WHAMM: variants seen among roughly 807,000 people sequenced by gnomAD.
The protein encoded by WHAMM is WASP homolog-associated protein with actin, membranes and microtubules.
Under a neutral mutation model 76.5 loss-of-function variants are expected in WHAMM, and 67 were observed. That is an observed-to-expected ratio of 0.88 (90% CI 0.72 to 1.07). The LOEUF (loss-of-function observed/expected upper bound fraction) is 1.07. Ranked by LOEUF, WHAMM falls within the 50% of genes least tolerant of loss-of-function variation. WHAMM has a pLI of 0.00. For missense variants in WHAMM, 1,021 were observed against 1,051.1 expected, an observed-to-expected ratio of 0.97 and a Z score of 0.40; for synonymous variants, 419 against 422.1, an observed-to-expected ratio of 0.99 and a Z score of 0.09.
chr15:82,815,424 T>C (rs1170640741), intron 2 of WHAMM, among the ~76,000 whole-genome samples: 5 of 152,144 alleles, frequency 3.3e-5, no homozygotes, highest in Non-Finnish European at 7.4e-5. Context: ...TTTTTATTGC[T>C]GAGTAATATT....
chr15:82,810,382 G>A (rs1423920564), intron 1 of WHAMM, 47 bp downstream of exon 1: 3 of 1,259,226 alleles, frequency 2.4e-6, no homozygotes, highest in Non-Finnish European at 3.0e-6. Flanking sequence ...TCCATGGCCT[G>A]GGACACTGTG....
chr15:82,820,599 A>C (rs1168941012), intron 5 of WHAMM, among the ~76,000 whole-genome samples: 1 of 152,164 alleles, frequency 6.6e-6, no homozygotes, highest in Non-Finnish European at 1.5e-5. Context: ...TGTACATTTA[A>C]AATGATGCTC....
chr15:82,821,210 C>T (rs977041678), intron 5 of WHAMM, among the ~76,000 whole-genome samples: 1 of 152,140 alleles, frequency 6.6e-6, no homozygotes, highest in African/African-American at 2.4e-5. Context: ...CTCTCCTTGT[C>T]ATTTGTGTTT....
At chr15:82,813,369 T>A in intron 2 of WHAMM, 93 bp downstream of exon 2, 1 of 1,134,476 alleles carries the variant, frequency 8.8e-7, no homozygotes, top group Non-Finnish European at 1.2e-6. Context: ...CTGTTTGTAC[T>A]TTGTTTGGGT....
intron 2 of WHAMM, 28 bp from the exon 3 acceptor site, chr15:82,816,664 C>A: frequency 1.3e-6 from 2 of 1,528,002 alleles, no homozygotes. Flanking sequence ...TTAGCTCTTA[C>A]TAAGAAAATT....
intron 1 of WHAMM, among the ~76,000 whole-genome samples, chr15:82,811,007 A>G (rs2050618705): frequency 6.6e-6 from 1 of 152,208 alleles, no homozygotes; most frequent in Non-Finnish European, 1.5e-5. Context: ...TTCTAAGTCC[A>G]CACCCACAGT....
intron 4 of WHAMM, among the ~76,000 whole-genome samples, chr15:82,819,108 C>T (rs2050777053): frequency 6.6e-6 from 1 of 152,066 alleles, no homozygotes; most frequent in Non-Finnish European, 1.5e-5. Flanking sequence ...ACCTCATTGC[C>T]ATTTATGTTT....
chr15:82,831,164 T>A (rs1255712595), intron 9 of WHAMM, 85 bp downstream of exon 9: 3 of 1,517,742 alleles, frequency 2.0e-6, no homozygotes, highest in Non-Finnish European at 2.6e-6. Context: ...CATCTTCAAA[T>A]GGAAATCATT....
intron 9 of WHAMM, among the ~76,000 whole-genome samples, chr15:82,832,324 GC>G (rs2051043907): frequency 6.6e-6 from 1 of 152,206 alleles, no homozygotes; most frequent in African/African-American, 2.4e-5. Flanking sequence ...TAAATCCAAA[GC>G]AAAATAGCCT....
chr15:82,824,538 C>G, intron 6 of WHAMM, among the ~76,000 whole-genome samples: 1 of 152,200 alleles, frequency 6.6e-6, no homozygotes, highest in Non-Finnish European at 1.5e-5. Flanking sequence ...CCAAGCTGGT[C>G]TTGAACTCCT....
chr15:82,817,078 G>T (rs1313858159), intron 3 of WHAMM, among the ~76,000 whole-genome samples: 2 of 152,152 alleles, frequency 1.3e-5, no homozygotes, highest in African/African-American at 4.8e-5. Context: ...AGAGAGACAT[G>T]GGCTCTGAGG....
chr15:82,810,426 C>G, intron 1 of WHAMM, 91 bp downstream of exon 1: 1 of 1,221,486 alleles, frequency 8.2e-7, no homozygotes, highest in African/African-American at 1.6e-5. Flanking sequence ...CCCTGGCTGA[C>G]GGCTGACGGG....
intron 2 of WHAMM, 72 bp downstream of exon 2, chr15:82,813,348 A>G: frequency 1.6e-6 from 2 of 1,240,196 alleles, no homozygotes; most frequent in Middle Eastern, 2.4e-4. Flanking sequence ...TTTACACTTA[A>G]TGTTCAATCT....
At chr15:82,823,837 A>T (rs956374802) in intron 6 of WHAMM, among the ~76,000 whole-genome samples, 4 of 152,190 alleles carry the variant, frequency 2.6e-5, no homozygotes, top group Non-Finnish European at 5.9e-5. Flanking sequence ...AAGTGCTGGG[A>T]TTACAGGTGT....
chr15:82,821,016 C>T (rs2050816967), intron 5 of WHAMM, among the ~76,000 whole-genome samples: 1 of 151,796 alleles, frequency 6.6e-6, no homozygotes, highest in South Asian at 2.1e-4. Context: ...GAGAAAATGG[C>T]AGTCTTCCAA....
In WHAMM at chr15:82,830,615, C is replaced by T. The variant is rs1305199982; in HGVS notation, c.1658C>T (p.Ser553Phe). ...RSFKDKRLAQ[S>F]VRNTSGSEPV... ...CATTTTCAGAAACGCCTAGCTCAAT[C>T]TGTCCGAAACACCTCTGGCTCAGAA... Residue 553 changes from serine to phenylalanine, a missense_variant, in exon 9 of 10, where the codon TCT becomes TTT. Transcript: ENST00000286760. The T allele has an allele frequency of 1.9e-6, 3 of 1,611,658 alleles. No individual in the cohort carries two copies. Among genetic ancestry groups the T allele is most frequent in the Admixed American group, 1.7e-5 (1 of 59,974 alleles).
At chr15:82,829,378 C>T (rs76263159) in intron 8 of WHAMM, among the ~76,000 whole-genome samples, 1,584 of 152,352 alleles carry the variant, frequency 0.01, 19 homozygotes, top group African/African-American at 0.035. Flanking sequence ...CCACAGAGGG[C>T]ATCCTTGGGT....
rs965230899 is a variant in WHAMM at position 82,834,321 on chromosome 15, C to G, written c.*785C>G. 3.3e-5 allele frequency: 5 copies of G among 152,400 alleles called. No individual in the cohort carries two copies. Among genetic ancestry groups the G allele is most frequent in the African/African-American group, 1.2e-4 (5 of 41,464 alleles). 9.4% of individuals were successfully genotyped at this position (152,400 alleles called of 1,614,324 possible). A position where few individuals can be genotyped will look rare whatever the true frequency, so the allele number is the denominator to read the frequency against. ...AAAGTGTTGGGATTATAGGCATGAG[C>G]CACCGTGCCTGGCTGATGCTGGAGC... On this transcript the variant is annotated 3_prime_UTR_variant, in exon 10 of 10. Transcript: ENST00000286760.
rs2050782572 is a variant in WHAMM, at chr15:82,819,437, G to A, written c.1219G>A (p.Glu407Lys). The change falls in exon 5 of 10, where the codon GAA becomes AAA. Residue 407 changes from glutamate to lysine, a missense_variant. By Grantham distance (56) the Glu-to-Lys change is moderately conservative. Coordinates refer to ENST00000286760, the MANE Select transcript of WHAMM (RefSeq NM_001080435.3). The stretch of plus-strand genomic sequence containing the variant: ...AGTTAAATTTGAGATATTAAAAAAC[G>A]AAGAAATACTGCTTACTACACAGTT... ...YEVKFEILKN[E>K]EILLTTQLDS... 1.8e-5 allele frequency: 23 copies of A among 1,268,406 alleles called. No homozygotes were observed. The highest frequency in any genetic ancestry group is 2.3e-5 in the Non-Finnish European group (22 of 948,288). 78.6% of individuals were successfully genotyped at this position (1,268,406 alleles called of 1,614,324 possible).
Sources: allele counts gnomAD v4.1 joint callset (sites outside exome capture counted in the v4.1 genomes callset), GRCh38; gene constraint gnomAD v4.1.1; transcripts MANE v1.5; gene names NCBI Gene and HGNC (gene_info 2026-07-23, HGNC 2026-07-21).